The following TFEC variants were observed in gnomAD, a reference collection of about 807,000 sequenced individuals.
TFEC encodes class E basic helix-loop-helix protein 34.
In TFEC, 31 loss-of-function variants were observed where a neutral mutation model predicts 41.6. The ratio of observed to expected loss-of-function variants is 0.74; its 90% CI spans 0.56 to 1.01. The LOEUF (loss-of-function observed/expected upper bound fraction) is 1.01. TFEC is among the 50% of genes least tolerant of loss of function. The pLI is 0.00. For synonymous variants in TFEC, 143 were observed against 140.6 expected (o/e 1.02, Z -0.12); for missense variants, 402 against 404.1 (o/e 0.99, Z 0.04).
intron 1 of TFEC, among the ~76,000 whole-genome samples, chr7:115,987,514 A>G (rs977770101): frequency 2.5e-4 from 38 of 152,208 alleles, no homozygotes; most frequent in Non-Finnish European, 4.1e-4. Context: ...TTCAAGACAC[A>G]GTGTTTGAGT....
At chr7:116,153,915 T>C (rs1040162323) in intron 1 of TFEC, among the ~76,000 whole-genome samples, 3 of 152,148 alleles carry the variant, frequency 2.0e-5, no homozygotes, top group African/African-American at 7.2e-5. Flanking sequence ...CACATGTAAC[T>C]GGAATCATAG....
At position 115,937,751 on chromosome 7, in the gene TFEC, G is replaced by T. The variant is rs1482702470; in HGVS notation, c.*2800C>A. The T allele has an allele frequency of 6.6e-6, 1 of 151,636 alleles. No individual in the cohort carries two copies. Among genetic ancestry groups the T allele is most frequent in the Non-Finnish European group, 1.5e-5 (1 of 67,762 alleles). The allele number at this position is 151,636 out of a possible 1,614,324, so 9.4% of individuals were successfully genotyped here. ...TAAGGGTCCCCCCATTGTTATACAT[G>T]ACATTAACCGCACACCTAAGAGACC... On this transcript the variant is annotated 3_prime_UTR_variant, in exon 8 of 8. Coordinates refer to ENST00000265440, the MANE Select transcript of TFEC (RefSeq NM_012252.4).
chr7:116,047,160 G>A (rs1052501534), intron 3 of TFEC, among the ~76,000 whole-genome samples: 1 of 152,120 alleles, frequency 6.6e-6, no homozygotes, highest in African/African-American at 2.4e-5. Flanking sequence ...ATCTCACAGG[G>A]GCTTGTCAGA....
chr7:116,137,934 T>G (rs539690653), intron 1 of TFEC, among the ~76,000 whole-genome samples: 1 of 152,070 alleles, frequency 6.6e-6, no homozygotes, highest in South Asian at 2.1e-4. Flanking sequence ...TGAATATGAA[T>G]AAAATAAATG....
intron 1 of TFEC, among the ~76,000 whole-genome samples, chr7:116,141,085 A>G (rs1798531318): frequency 6.6e-6 from 1 of 152,194 alleles, no homozygotes; most frequent in African/African-American, 2.4e-5. Context: ...ACAGATGCAT[A>G]CCTATTAAAA....
intron 1 of TFEC, among the ~76,000 whole-genome samples, chr7:116,138,117 A>G (rs1490671534): frequency 6.6e-6 from 1 of 152,138 alleles, no homozygotes; most frequent in African/African-American, 2.4e-5. Flanking sequence ...GTTGATAATG[A>G]GATATTTTCC....
intron 1 of TFEC, among the ~76,000 whole-genome samples, chr7:115,995,072 T>C (rs1794300351): frequency 6.6e-6 from 1 of 151,900 alleles, no homozygotes; most frequent in Non-Finnish European, 1.5e-5. Context: ...CTGGAAACCA[T>C]CATTCTGAGC....
At chr7:115,941,851 A>T in intron 7 of TFEC, 42 bp downstream of exon 7, 1 of 1,593,182 alleles carries the variant, frequency 6.3e-7, no homozygotes. Context: ...CAGCTGAGTC[A>T]TGTGTAAGCT....
intron 1 of TFEC, among the ~76,000 whole-genome samples, chr7:116,027,438 A>T (rs1795627814): frequency 6.6e-6 from 1 of 152,046 alleles, no homozygotes; most frequent in Non-Finnish European, 1.5e-5. Flanking sequence ...ACAAAAAAAT[A>T]AAAAGAAATT....
At chr7:115,958,118 T>G (rs377737408) in intron 3 of TFEC, among the ~76,000 whole-genome samples, 19 of 151,972 alleles carry the variant, frequency 1.3e-4, no homozygotes, top group East Asian at 1.2e-3. Context: ...TGTAAGAGAA[T>G]TTTTGCTTTA....
intron 3 of TFEC, among the ~76,000 whole-genome samples, chr7:116,065,346 G>A (rs1357195323): frequency 1.3e-5 from 2 of 152,048 alleles, no homozygotes; most frequent in African/African-American, 4.8e-5. Flanking sequence ...GAGCAGTAAA[G>A]GAAATTAATC....
chr7:116,033,327 C>A (rs1453196759), upstream of TFEC, among the ~76,000 whole-genome samples: 1 of 152,058 alleles, frequency 6.6e-6, no homozygotes, highest in Admixed American at 6.6e-5. Flanking sequence ...CTAGCTATGG[C>A]ACCTTGGTTA....
At chr7:116,016,385 A>G (rs1795191165) in intron 1 of TFEC, among the ~76,000 whole-genome samples, 1 of 152,070 alleles carries the variant, frequency 6.6e-6, no homozygotes, top group South Asian at 2.1e-4. Flanking sequence ...AGAGGATCTC[A>G]TCAGTGCTCA....
At chr7:115,963,387 A>G (rs1257163684) in intron 3 of TFEC, among the ~76,000 whole-genome samples, 1 of 151,468 alleles carries the variant, frequency 6.6e-6, no homozygotes, top group Non-Finnish European at 1.5e-5. Context: ...GAAGTTCCTC[A>G]AAAGGTAAGT....
intron 3 of TFEC, among the ~76,000 whole-genome samples, chr7:116,058,828 A>G (rs1236071754): frequency 6.6e-6 from 1 of 151,814 alleles, no homozygotes; most frequent in Non-Finnish European, 1.5e-5. Flanking sequence ...ATTAGAAAGT[A>G]TTTTTGAACT....
intron 3 of TFEC, among the ~76,000 whole-genome samples, chr7:116,066,680 C>A (rs1181674022): frequency 3.3e-5 from 5 of 152,030 alleles, no homozygotes; most frequent in African/African-American, 1.2e-4. Context: ...TAATTGTTTT[C>A]ATGATATTTA....
intron 3 of TFEC, among the ~76,000 whole-genome samples, chr7:116,080,976 A>AGTGTATGT (rs1424213374): frequency 7.0e-4 from 96 of 138,016 alleles, no homozygotes; most frequent in African/African-American, 2.4e-3. Context: ...AAGAAAATGT[A>AGTGTATGT]GTGTGTGTGT....
At chr7:115,952,757 C>T (rs980182306) in intron 5 of TFEC, among the ~76,000 whole-genome samples, 1 of 152,016 alleles carries the variant, frequency 6.6e-6, no homozygotes, top group Non-Finnish European at 1.5e-5. Context: ...TTTCACTCTT[C>T]ACAAAGTTTT....
chr7:116,113,037 G>C (rs1276971345), intron 1 of TFEC, among the ~76,000 whole-genome samples: 1 of 151,954 alleles, frequency 6.6e-6, no homozygotes, highest in Admixed American at 6.6e-5. Context: ...CTAGGAGATA[G>C]GGAGCTGGAC....
Sources: allele counts gnomAD v4.1 joint callset (sites outside exome capture counted in the v4.1 genomes callset), GRCh38; gene constraint gnomAD v4.1.1; transcripts MANE v1.5; gene names NCBI Gene and HGNC (gene_info 2026-07-23, HGNC 2026-07-21).